PIK3C3: variants seen among roughly 807,000 people sequenced by gnomAD.
PIK3C3 encodes phosphatidylinositol 3-kinase catalytic subunit type 3.
In PIK3C3, 95 loss-of-function variants were observed where a neutral mutation model predicts 126.1. The observed-to-expected ratio is 0.75, with a 90% CI of 0.64 to 0.89. PIK3C3 has a LOEUF of 0.89. PIK3C3 is among the 40% of genes least tolerant of loss of function. PIK3C3 has a pLI of 0.00. For missense variants in PIK3C3, 829 were observed against 1,063.2 expected (o/e 0.78, Z 3.06); for synonymous variants, 374 against 360.0 (o/e 1.04, Z -0.44).
At chr18:42,038,499 G>A (rs537566228) in intron 17 of PIK3C3, among the ~76,000 whole-genome samples, 154 of 151,734 alleles carry the variant, frequency 1.0e-3, no homozygotes, top group African/African-American at 3.3e-3. Context: ...GCACCACCAC[G>A]CCCAGCTAAT....
intron 4 of PIK3C3, chr18:41,970,769 C>A: frequency 3.8e-6 from 2 of 525,660 alleles, no homozygotes; most frequent in Non-Finnish European, 6.7e-6. Context: ...TAGTTCCAGG[C>A]AAGTACTAAT....
At chr18:42,008,530 T>G (rs1489794162) in intron 10 of PIK3C3, among the ~76,000 whole-genome samples, 4 of 152,106 alleles carry the variant, frequency 2.6e-5, no homozygotes, top group Admixed American at 2.6e-4. Context: ...AAATGGGAAG[T>G]CACTAAGTGA....
At chr18:42,044,223 G>A (rs1401937028) in intron 20 of PIK3C3, among the ~76,000 whole-genome samples, 3 of 152,098 alleles carry the variant, frequency 2.0e-5, no homozygotes, top group African/African-American at 7.2e-5. Context: ...GTGCCCTTGT[G>A]GTATTTTAGA....
intron 3 of PIK3C3, among the ~76,000 whole-genome samples, chr18:41,963,246 A>G (rs1361657129): frequency 6.6e-6 from 1 of 152,192 alleles, no homozygotes; most frequent in Non-Finnish European, 1.5e-5. Flanking sequence ...GTCCTTCATC[A>G]AGTATTTACT....
At chr18:41,978,247 G>T (rs1022589204) in intron 4 of PIK3C3, among the ~76,000 whole-genome samples, 1 of 152,194 alleles carries the variant, frequency 6.6e-6, no homozygotes, top group Non-Finnish European at 1.5e-5. Flanking sequence ...AAGCCACCAT[G>T]CTGGACCTCT....
chr18:42,057,103 C>A (rs1198505565), intron 21 of PIK3C3, among the ~76,000 whole-genome samples: 2 of 134,142 alleles, frequency 1.5e-5, no homozygotes, highest in African/African-American at 5.5e-5. Context: ...ATATGTACAA[C>A]GTGAAACCTC....
At chr18:42,006,619 T>C (rs759884801) in intron 10 of PIK3C3, among the ~76,000 whole-genome samples, 1 of 152,082 alleles carries the variant, frequency 6.6e-6, no homozygotes, top group African/African-American at 2.4e-5. Flanking sequence ...ACAAAAAAAA[T>C]TTCAATGCCA....
chr18:41,977,391 CAT>C (rs1266644403), intron 4 of PIK3C3, among the ~76,000 whole-genome samples: 1 of 152,030 alleles, frequency 6.6e-6, no homozygotes, highest in African/African-American at 2.4e-5. Context: ...AGTGTACAAA[CAT>C]ATGAGAGAAC....
intron 21 of PIK3C3, among the ~76,000 whole-genome samples, chr18:42,056,024 T>C (rs1309059686): frequency 2.0e-5 from 3 of 152,138 alleles, no homozygotes; most frequent in Admixed American, 2.0e-4. Context: ...ACTTTATTTC[T>C]TGACTGTTTA....
In PIK3C3 at chr18:42,049,437, G is replaced by T. The variant is rs1278763615; in HGVS notation, c.2189-94G>T. 5 of 742,360 alleles carry T rather than the reference G, an allele frequency of 6.7e-6. No homozygotes were observed. The African/African-American group carries it at 7.1e-5, about 11-fold the overall frequency. The allele number at this position is 742,360 out of a possible 1,614,324, so 46.0% of individuals were successfully genotyped here. A position where few individuals can be genotyped will look rare whatever the true frequency, so the allele number is the denominator to read the frequency against. On this transcript the variant is annotated intron_variant, in intron 20 of 24. Coordinates refer to ENST00000262039, the MANE Select transcript of PIK3C3 (RefSeq NM_002647.4). Reference sequence around the variant, plus strand: ...AACCAGAGACATTAGAAAACAAATTGATATTAAAGTTGCACAAACTGCTTT... The same window carrying T: ...AACCAGAGACATTAGAAAACAAATTTATATTAAAGTTGCACAAACTGCTTT...
intron 4 of PIK3C3, among the ~76,000 whole-genome samples, chr18:41,981,079 G>A (rs946617355): frequency 1.3e-5 from 2 of 152,062 alleles, no homozygotes; most frequent in Non-Finnish European, 2.9e-5. Flanking sequence ...ATCTGGTATA[G>A]CTTTTATAAA....
intron 4 of PIK3C3, chr18:41,971,516 A>C (rs1005619497): frequency 6.6e-6 from 1 of 152,068 alleles, no homozygotes; most frequent in East Asian, 1.9e-4. Flanking sequence ...TAATTAAATA[A>C]AATTTAATAT....
At chr18:41,970,225 A>G (rs1598853772) in intron 3 of PIK3C3, 102 bp from the exon 4 acceptor site, 4 of 964,442 alleles carry the variant, frequency 4.1e-6, no homozygotes, top group East Asian at 4.9e-5. Flanking sequence ...GTGGAGATAT[A>G]CATTTCCATG....
chr18:42,038,128 C>A (rs1984140200), intron 17 of PIK3C3, among the ~76,000 whole-genome samples: 1 of 151,904 alleles, frequency 6.6e-6, no homozygotes, highest in Non-Finnish European at 1.5e-5. Context: ...TCCTTTTAAT[C>A]CCATCTCTGT....
In PIK3C3 at chr18:42,040,594, A is replaced by G. The variant is rs1598922412; in HGVS notation, c.2039-83A>G. ...AGATATGGAATGCATTTATTCAGAG[A>G]TGAGGATTATTCTTAGCAGAACCTT... On this transcript the variant is annotated intron_variant, in intron 18 of 24. Transcript: ENST00000262039. 16 of 903,028 alleles carry G rather than the reference A, an allele frequency of 1.8e-5. No individual in the cohort carries two copies. In the East Asian group the frequency reaches 3.9e-4, roughly 22 times the overall value. The allele number at this position is 903,028 out of a possible 1,614,324, so 55.9% of individuals were successfully genotyped here.
intron 4 of PIK3C3, among the ~76,000 whole-genome samples, chr18:41,977,919 A>G (rs978962020): frequency 6.6e-6 from 1 of 152,192 alleles, no homozygotes; most frequent in African/African-American, 2.4e-5. Flanking sequence ...AGTTTGAGGA[A>G]AAAAGGACAC....
chr18:42,034,222 T>TTG (rs1425787838), intron 16 of PIK3C3, among the ~76,000 whole-genome samples: 1 of 152,206 alleles, frequency 6.6e-6, no homozygotes, highest in Non-Finnish European at 1.5e-5. Flanking sequence ...AATTTTTTTA[T>TTG]TGTTTTATTT....
chr18:42,033,685 A>G, intron 15 of PIK3C3, 141 bp from the exon 16 acceptor site: 2 of 532,832 alleles, frequency 3.8e-6, no homozygotes, highest in South Asian at 2.5e-5. Flanking sequence ...TGTCTCTCAC[A>G]TACAACACCA....
Position 42,085,038 on chromosome 18 carries a change from G to C in PIK3C3, c.*3901G>C, listed in dbSNP as rs1364008899. ...CCCAACCAGGTATCTCTTGTTATAT[G>C]CTAACTTCATTTTCCCTTTCTTGTC... On this transcript the variant is annotated 3_prime_UTR_variant, in exon 25 of 25. Coordinates refer to ENST00000262039, the MANE Select transcript of PIK3C3 (RefSeq NM_002647.4). The C allele has an allele frequency of 2.0e-5, 3 of 152,146 alleles. No homozygotes were observed. The highest frequency in any genetic ancestry group is 4.4e-5 in the Non-Finnish European group (3 of 68,028). 9.4% of individuals were successfully genotyped at this position (152,146 alleles called of 1,614,324 possible).
Sources: gnomAD v4.1 joint callset for allele counts (sites outside exome capture counted in the v4.1 genomes callset) on GRCh38, gnomAD v4.1.1 for gene constraint, MANE v1.5 for transcripts, NCBI Gene and HGNC (gene_info 2026-07-23, HGNC 2026-07-21) for gene names.